The following ARHGAP25 variants were observed in gnomAD, a reference collection of about 807,000 sequenced individuals.
ARHGAP25 encodes rho GTPase-activating protein 25.
Under a neutral mutation model 71.0 loss-of-function variants are expected in ARHGAP25, and 34 were observed. That is an observed-to-expected ratio of 0.48 (90% CI 0.36 to 0.64). ARHGAP25 has a LOEUF of 0.64. Among genes scored for constraint, ARHGAP25 ranks in the 30% least tolerant of loss-of-function variants. The pLI is 0.00. For synonymous variants in ARHGAP25, 282 were observed against 296.5 expected (o/e 0.95, Z 0.50); for missense variants, 706 against 805.1 (o/e 0.88, Z 1.49).
chr2:68,742,744 T>A (rs531518701), intron 1 of ARHGAP25, among the ~76,000 whole-genome samples: 1 of 152,340 alleles, frequency 6.6e-6, no homozygotes, highest in Admixed American at 6.5e-5. Context: ...AGTTCTTCAT[T>A]CTTTTCTTTA....
chr2:68,725,309 T>C (rs1162254767), intron 2 of ARHGAP25, among the ~76,000 whole-genome samples: 1 of 152,126 alleles, frequency 6.6e-6, no homozygotes, highest in African/African-American at 2.4e-5. Context: ...CAGCGATCTT[T>C]TATTATTTTA....
At position 68,807,255 on chromosome 2, in the gene ARHGAP25, T is replaced by C. The variant is rs1680442064; in HGVS notation, c.467-18T>C. 1 of 1,613,902 alleles carries C rather than the reference T, an allele frequency of 6.2e-7. No homozygotes were observed. Among genetic ancestry groups the C allele is most frequent in the African/African-American group, 1.3e-5 (1 of 74,940 alleles). ...GAAGCACAGAATGACGGGCAGGTTC[T>C]GTTTGCTCTCTCCTCAGCAGTGTTT... On this transcript the variant is annotated intron_variant, in intron 4 of 10. Transcript: ENST00000409202.
chr2:68,781,307 T>C (rs1432277170), intron 2 of ARHGAP25, among the ~76,000 whole-genome samples: 1 of 152,126 alleles, frequency 6.6e-6, no homozygotes, highest in African/African-American at 2.4e-5. Flanking sequence ...GGAGAATAAC[T>C]TGAACCCAGG....
At chr2:68,750,285 AC>A (rs1676080901) in intron 1 of ARHGAP25, among the ~76,000 whole-genome samples, 3 of 149,800 alleles carry the variant, frequency 2.0e-5, no homozygotes, top group Non-Finnish European at 4.4e-5. Context: ...TGGTGGGATG[AC>A]AGACATGAGC....
chr2:68,803,004 CATAT>C (rs376871092), intron 4 of ARHGAP25, among the ~76,000 whole-genome samples: 1 of 142,442 alleles, frequency 7.0e-6, no homozygotes, highest in African/African-American at 2.5e-5. Flanking sequence ...TACATACATA[CATAT>C]ATATATATAT....
At chr2:68,740,865 C>A (rs1675484665) in intron 1 of ARHGAP25, among the ~76,000 whole-genome samples, 1 of 152,188 alleles carries the variant, frequency 6.6e-6, no homozygotes, top group Admixed American at 6.5e-5. Context: ...AAGAAAGGGG[C>A]TAAATTGTCC....
At chr2:68,795,356 G>A (rs1165941405) in intron 4 of ARHGAP25, among the ~76,000 whole-genome samples, 1 of 152,056 alleles carries the variant, frequency 6.6e-6, no homozygotes, top group Non-Finnish European at 1.5e-5. Flanking sequence ...GAGGTTTGAA[G>A]TTAGGTTGTT....
chr2:68,784,726 A>C (rs917085619), intron 3 of ARHGAP25, among the ~76,000 whole-genome samples: 9 of 152,226 alleles, frequency 5.9e-5, no homozygotes, highest in Admixed American at 4.6e-4. Flanking sequence ...CTATGAGCCA[A>C]GTACTATTGC....
chr2:68,746,869 G>A (rs187236310), intron 1 of ARHGAP25, among the ~76,000 whole-genome samples: 31 of 152,070 alleles, frequency 2.0e-4, no homozygotes, highest in Admixed American at 1.5e-3. Flanking sequence ...TTAGCTGGGT[G>A]TAGTGACGCA....
In ARHGAP25 at chr2:68,728,223, C is replaced by T. The variant is rs1018579344; in HGVS notation, c.-18+17525C>T. ...CAGCCAATAAGCAAATGAAAAGATG[C>T]TTAACATCATTAGTCATCAGGGAAA... On this transcript the variant is annotated intron_variant and NMD_transcript_variant, in intron 2 of 7. Coordinates refer to the ARHGAP25 transcript ENST00000463483. Among the ~76,000 whole-genome samples, 6 of 152,062 alleles carry T rather than the reference C, an allele frequency of 3.9e-5. No individual in the cohort carries two copies. In the South Asian group the frequency reaches 8.3e-4, roughly 21 times the overall value.
At chr2:68,771,077 T>C (rs1677457213) in intron 1 of ARHGAP25, among the ~76,000 whole-genome samples, 2 of 152,226 alleles carry the variant, frequency 1.3e-5, no homozygotes, top group African/African-American at 4.8e-5. Context: ...CAATTGTAAC[T>C]TAATGTAACC....
Position 68,823,782 on chromosome 2 carries a change from G to T in ARHGAP25, c.1733+910G>T, listed in dbSNP as rs114717389. On this transcript the variant is annotated intron_variant, in intron 10 of 10. Coordinates refer to ENST00000409202, the MANE Select transcript of ARHGAP25 (RefSeq NM_001007231.3). Reference sequence around the variant, plus strand: ...CCGGCTGCAGGGGGCAAACAGAAGCGGGAGGCCAGTTAGGCAGCTATTGCC... The same window carrying T: ...CCGGCTGCAGGGGGCAAACAGAAGCTGGAGGCCAGTTAGGCAGCTATTGCC... Among the ~76,000 whole-genome samples, 1,262 of 152,294 alleles carry T rather than the reference G, an allele frequency of 8.3e-3. 17 individuals are homozygous for T. Among genetic ancestry groups the T allele is most frequent in the African/African-American group, 0.029 (1,222 of 41,554 alleles).
intron 10 of ARHGAP25, among the ~76,000 whole-genome samples, chr2:68,824,929 A>G (rs1433932688): frequency 6.6e-6 from 1 of 152,094 alleles, no homozygotes; most frequent in African/African-American, 2.4e-5. Context: ...TGGGCAGGCC[A>G]TTTGGGGAGA....
intron 4 of ARHGAP25, among the ~76,000 whole-genome samples, chr2:68,795,439 G>A (rs907638387): frequency 6.6e-6 from 1 of 152,098 alleles, no homozygotes; most frequent in Non-Finnish European, 1.5e-5. Context: ...TGCTTTTGCA[G>A]TAGCCTACAA....
intron 1 of ARHGAP25, among the ~76,000 whole-genome samples, chr2:68,753,556 C>T (rs1193654028): frequency 6.6e-6 from 1 of 152,146 alleles, no homozygotes; most frequent in Non-Finnish European, 1.5e-5. Flanking sequence ...GGCGTGGCAT[C>T]GCATGGCTTT....
chr2:68,819,544 C>T (rs1323757214), intron 9 of ARHGAP25: 1 of 684,446 alleles, frequency 1.5e-6, no homozygotes, highest in Non-Finnish European at 2.7e-6. Context: ...GTGTGCCAAT[C>T]ACCCAGTGAC....
intron 1 of ARHGAP25, 78 bp downstream of exon 1, chr2:68,735,338 G>A (rs1237746631): frequency 2.8e-6 from 4 of 1,424,770 alleles, no homozygotes; most frequent in East Asian, 2.3e-5. Flanking sequence ...TCTGCAGGGA[G>A]CATAGTCTAC....
chr2:68,766,741 A>T (rs74819516), intron 1 of ARHGAP25, among the ~76,000 whole-genome samples: 1 of 141,234 alleles, frequency 7.1e-6, no homozygotes, highest in Non-Finnish European at 1.5e-5. Context: ...TCTTGTTCTC[A>T]CTCTCTGTCA....
chr2:68,732,798 T>G (rs1675056828), upstream of ARHGAP25, among the ~76,000 whole-genome samples: 2 of 152,198 alleles, frequency 1.3e-5, no homozygotes. Flanking sequence ...TTAAATGCGC[T>G]TGCAAGGTTC....
Sources: gnomAD v4.1 joint callset for allele counts (sites outside exome capture counted in the v4.1 genomes callset) on GRCh38, gnomAD v4.1.1 for gene constraint, MANE v1.5 for transcripts, NCBI Gene and HGNC (gene_info 2026-07-23, HGNC 2026-07-21) for gene names.